Variants in KCNQ1 observed in about 807,000 individuals in gnomAD.
The protein encoded by KCNQ1 is potassium voltage-gated channel subfamily Q member 1, also known as potassium voltage-gated channel subfamily KQT member 1.
In KCNQ1, 49 loss-of-function variants were observed where a neutral mutation model predicts 72.4. The ratio of observed to expected loss-of-function variants is 0.68; its 90% CI spans 0.54 to 0.86. KCNQ1 has a LOEUF of 0.86. Among genes scored for constraint, KCNQ1 ranks in the 40% least tolerant of loss-of-function variants. The probability of loss-of-function intolerance (pLI) is 0.00; values close to 1 mark genes in which losing one functional copy is unlikely to be tolerated. For synonymous variants in KCNQ1, 450 were observed against 412.6 expected, an observed-to-expected ratio of 1.09 and a Z score of -1.10; for missense variants, 790 against 945.1, an observed-to-expected ratio of 0.84 and a Z score of 2.15.
At chr11:2,528,042 C>T (rs755391881) in intron 2 of KCNQ1, 24 bp downstream of exon 2, 2 of 1,583,572 alleles carry the variant, frequency 1.3e-6, no homozygotes, top group East Asian at 2.2e-5. Flanking sequence ...GAGGGCATGG[C>T]TGGATGTCAT....
In KCNQ1 at chr11:2,588,825, A is replaced by T; in HGVS notation, c.1364A>T (p.His455Leu). ...CDPPEERRLD[H>L]FSVDGYDSSV... ...CCCCCAGAAGAGCGGCGGCTGGACCACTTCTCTGTCGACGGCTATGACAGT... is the reference window on the plus strand; with the variant it reads ...CCCCCAGAAGAGCGGCGGCTGGACCTCTTCTCTGTCGACGGCTATGACAGT... Residue 455 changes from histidine (H) to leucine (L), a missense_variant, in exon 10 of 16, where the codon CAC becomes CTC. By Grantham distance (99) the His-to-Leu change is moderately conservative. Transcript: ENST00000155840. This position sits in a 1 kb window ranked among gnomAD's most constrained non-coding sequence, Gnocchi z 5.6. 6.2e-7 allele frequency: 1 copy of T among 1,612,568 alleles called. No individual in the cohort carries two copies.
intron 11 of KCNQ1, chr11:2,686,579 A>G: frequency 2.5e-6 from 1 of 398,702 alleles, no homozygotes; most frequent in Non-Finnish European, 4.4e-6. Context: ...TGTGGTGACT[A>G]GAATGGCAGC....
rs1849884939 is a variant in KCNQ1 at position 2,658,132 on chromosome 11, T to TA, written c.1394-3825dup. On this transcript the variant is annotated intron_variant, in intron 10 of 15. Transcript: ENST00000155840. This position sits in a 1 kb window ranked among gnomAD's most constrained non-coding sequence, Gnocchi z 4.9. ...TATCAAAAAAAATCTGCAAATATGT[T>TA]AAAACTACCACAGCAATTAAAATAC... 1 of 398,482 alleles carries TA rather than the reference T, an allele frequency of 2.5e-6. No homozygotes were observed. Among genetic ancestry groups the TA allele is most frequent in the African/African-American group, 2.1e-5 (1 of 48,622 alleles). The allele number at this position is 398,482 out of a possible 1,614,324, so 24.7% of individuals were successfully genotyped here. A position where few individuals can be genotyped will look rare whatever the true frequency, so the allele number is the denominator to read the frequency against.
chr11:2,777,678 A>G, intron 14 of KCNQ1: 1 of 597,160 alleles, frequency 1.7e-6, no homozygotes, highest in Non-Finnish European at 3.0e-6. Flanking sequence ...GTGGAATGGC[A>G]TGGGCTTGCA....
At chr11:2,489,069 G>C (rs1846789277) in intron 1 of KCNQ1, among the ~76,000 whole-genome samples, 1 of 152,158 alleles carries the variant, frequency 6.6e-6, no homozygotes. Context: ...ACACAAAAAA[G>C]CACCTTCATA....
At chr11:2,585,156 G>A (rs1589966853) in intron 7 of KCNQ1, 56 bp from the exon 8 acceptor site, 1 of 1,470,858 alleles carries the variant, frequency 6.8e-7, no homozygotes, top group Non-Finnish European at 9.5e-7. Context: ...TCCTGAGGCT[G>A]CACCCAGCTG....
Position 2,507,255 on chromosome 11 carries a change from T to C in KCNQ1, c.387-20673T>C, listed in dbSNP as rs1174116917. Reference sequence around the variant, plus strand: ...TCTAAGGTAATCTTTTCTCAGAGAGTGGCCTGAGACCTCTTCCTTAGAAGT... The same window carrying C: ...TCTAAGGTAATCTTTTCTCAGAGAGCGGCCTGAGACCTCTTCCTTAGAAGT... On this transcript the variant is annotated intron_variant, in intron 1 of 15. Transcript: ENST00000155840. This position sits in a 1 kb window ranked among gnomAD's most constrained non-coding sequence, Gnocchi z 5.4. Among the ~76,000 whole-genome samples, 1 of 152,070 alleles carries C rather than the reference T, an allele frequency of 6.6e-6. No individual in the cohort carries two copies. Among genetic ancestry groups the C allele is most frequent in the African/African-American group, 2.4e-5 (1 of 41,408 alleles).
In KCNQ1 at chr11:2,698,502, T is replaced by C; in HGVS notation, c.1514+36421T>C. 2.5e-6 allele frequency: 1 copy of C among 398,472 alleles called. No individual in the cohort carries two copies. Among genetic ancestry groups the C allele is most frequent in the Non-Finnish European group, 4.4e-6 (1 of 226,056 alleles). 24.7% of individuals were successfully genotyped at this position (398,472 alleles called of 1,614,324 possible). On this transcript the variant is annotated intron_variant, in intron 11 of 15. Coordinates refer to ENST00000155840, the MANE Select transcript of KCNQ1 (RefSeq NM_000218.3). This position sits in a 1 kb window ranked among gnomAD's most constrained non-coding sequence, Gnocchi z 5.1. Reference sequence around the variant, plus strand: ...ACCAAGAGACTTCTACCACTACCTCTCACCTGGCAGGTGATCACCACCCCC... The same window carrying C: ...ACCAAGAGACTTCTACCACTACCTCCCACCTGGCAGGTGATCACCACCCCC...
At chr11:2,480,632 C>T (rs767254337) in intron 1 of KCNQ1, among the ~76,000 whole-genome samples, 2 of 152,168 alleles carry the variant, frequency 1.3e-5, no homozygotes, top group African/African-American at 2.4e-5. Flanking sequence ...GGGACACAGC[C>T]AAACCATATC....
chr11:2,731,492 C>T (rs1845858123), intron 11 of KCNQ1, among the ~76,000 whole-genome samples: 1 of 152,244 alleles, frequency 6.6e-6, no homozygotes, highest in Admixed American at 6.5e-5. Context: ...GGAAGGCGGA[C>T]ACCCAGGGCG....
At chr11:2,733,773 TCCAC>T (rs1273483929) in intron 11 of KCNQ1, among the ~76,000 whole-genome samples, 1,118 of 58,288 alleles carry the variant, frequency 0.019, 16 homozygotes, top group East Asian at 0.065. Flanking sequence ...CTTCAGGCCT[TCCAC>T]ACACACACAC....
In KCNQ1 at chr11:2,536,886, G is replaced by A. The variant is rs952482888; in HGVS notation, c.477+8868G>A. 1.3e-5 allele frequency among the ~76,000 whole-genome samples: 2 copies of A among 151,970 alleles called. No individual in the cohort carries two copies. The highest frequency in any genetic ancestry group is 2.9e-5 in the Non-Finnish European group (2 of 68,018). ...CTGAGGCCCCTCCCGGCTTCTGAGG[G>A]TGGCTAGCAACTGTCTTCTAGATGT... On this transcript the variant is annotated intron_variant, in intron 2 of 15. Coordinates refer to ENST00000155840, the MANE Select transcript of KCNQ1 (RefSeq NM_000218.3). The surrounding 1 kb of genome is among the most constrained non-coding windows in gnomAD (Gnocchi z 7.4).
At position 2,683,514 on chromosome 11, in the gene KCNQ1, A is replaced by G. The variant is rs1850434108; in HGVS notation, c.1514+21433A>G. On this transcript the variant is annotated intron_variant, in intron 11 of 15. Transcript: ENST00000155840. This position sits in a 1 kb window ranked among gnomAD's most constrained non-coding sequence, Gnocchi z 4.7. ...CATAACTTGTTAAAGCATAGAGCTT[A>G]GTTCAGAGTAAACATTTCTAAAAAA... is the stretch of plus-strand genomic sequence containing the variant. The G allele has an allele frequency of 7.5e-6, 3 of 398,566 alleles. No homozygotes were observed. The allele number at this position is 398,566 out of a possible 1,614,324, so 24.7% of individuals were successfully genotyped here.
rs1847970829 is a variant in KCNQ1, at chr11:2,550,721, C to T, written c.478-19907C>T. 6.6e-6 allele frequency among the ~76,000 whole-genome samples: 1 copy of T among 152,154 alleles called. No homozygotes were observed. ...TCAGGGGCTTCTGGAAGGAGCCTCA[C>T]AGGAAGGGCAGGGCAGCACCAGGCT... On this transcript the variant is annotated intron_variant, in intron 2 of 15. Transcript: ENST00000155840. The surrounding 1 kb of genome is among the most constrained non-coding windows in gnomAD (Gnocchi z 6.0).
Position 2,723,910 on chromosome 11 carries a change from G to A in KCNQ1, c.1515-44934G>A, listed in dbSNP as rs1158475401. Among the ~76,000 whole-genome samples the A allele has an allele frequency of 6.6e-6, 1 of 152,236 alleles. No homozygotes were observed. The highest frequency in any genetic ancestry group is 1.5e-5 in the Non-Finnish European group (1 of 68,044). ...GAGGAAGTCACACGTTGGGGGATGT[G>A]CCGCAGGGATGGGGCATCTCAGCCT... On this transcript the variant is annotated intron_variant, in intron 11 of 15. Coordinates refer to ENST00000155840, the MANE Select transcript of KCNQ1 (RefSeq NM_000218.3). This position sits in a 1 kb window ranked among gnomAD's most constrained non-coding sequence, Gnocchi z 4.2.
Position 2,683,908 on chromosome 11 carries a change from G to A in KCNQ1, c.1514+21827G>A, listed in dbSNP as rs1027386810. ...ATAAATGCAAAAGATGGCCAAAGGT[G>A]CATGCTCTGTGACACGTTTCATAGT... On this transcript the variant is annotated intron_variant, in intron 11 of 15. Transcript: ENST00000155840. The surrounding 1 kb of genome is among the most constrained non-coding windows in gnomAD (Gnocchi z 4.7). The A allele has an allele frequency of 2.3e-5, 9 of 397,070 alleles. No individual in the cohort carries two copies. The highest frequency in any genetic ancestry group is 4.0e-5 in the Non-Finnish European group (9 of 225,940). 24.6% of individuals were successfully genotyped at this position (397,070 alleles called of 1,614,324 possible).
At chr11:2,655,721 A>T (rs1849835068) in intron 10 of KCNQ1, 1 of 174,372 alleles carries the variant, frequency 5.7e-6, no homozygotes, top group South Asian at 2.2e-4. Context: ...TAGATGCCTG[A>T]CCTGGCTACG....
At position 2,507,968 on chromosome 11, in the gene KCNQ1, G is replaced by A. The variant is rs976606191; in HGVS notation, c.387-19960G>A. Among the ~76,000 whole-genome samples, 3 of 152,142 alleles carry A rather than the reference G, an allele frequency of 2.0e-5. No individual in the cohort carries two copies. Among genetic ancestry groups the A allele is most frequent in the Non-Finnish European group, 2.9e-5 (2 of 68,008 alleles). ...CCTTGACTTGGTGATGTGGGGTTAT[G>A]AGTTTTATTCCACACACGTATGTGG... On this transcript the variant is annotated intron_variant, in intron 1 of 15. Transcript: ENST00000155840. This position sits in a 1 kb window ranked among gnomAD's most constrained non-coding sequence, Gnocchi z 5.4.
At chr11:2,699,935 G>C (rs1307888629) in intron 11 of KCNQ1, 1 of 398,282 alleles carries the variant, frequency 2.5e-6, no homozygotes, top group Non-Finnish European at 4.4e-6. Flanking sequence ...GGGCGCCCTG[G>C]CAGGATCTTG....
Sources: allele counts gnomAD v4.1 joint callset (sites outside exome capture counted in the v4.1 genomes callset), GRCh38; gene constraint gnomAD v4.1.1; non-coding constraint Gnocchi (gnomAD v3.1); transcripts MANE v1.5; gene names NCBI Gene and HGNC (gene_info 2026-07-23, HGNC 2026-07-21).